The following EVI5 variants were observed in gnomAD, a reference collection of about 807,000 sequenced individuals.
EVI5 encodes the protein ecotropic viral integration site 5 protein homolog.
A neutral mutation model predicts 112.0 loss-of-function variants in EVI5; 73 were observed. The ratio of observed to expected loss-of-function variants is 0.65; its 90% confidence interval spans 0.54 to 0.79. The LOEUF is 0.79. EVI5 is among the 30% of genes least tolerant of loss of function. The pLI is 0.00. For missense variants in EVI5, 900 were observed against 968.8 expected, an observed-to-expected ratio of 0.93 and a Z score of 0.94; for synonymous variants, 305 against 319.9, an observed-to-expected ratio of 0.95 and a Z score of 0.50.
At chr1:92,705,040 GATGAGAAA>G (rs1420756624) in intron 2 of EVI5, among the ~76,000 whole-genome samples, 7 of 152,222 alleles carry the variant, frequency 4.6e-5, no homozygotes, top group African/African-American at 1.7e-4. Context: ...GGGGAAATCT[GATGAGAAA>G]AGTATTTGGG....
intron 1 of EVI5, among the ~76,000 whole-genome samples, chr1:92,754,727 T>C (rs922625268): frequency 1.3e-5 from 2 of 152,144 alleles, no homozygotes; most frequent in African/African-American, 4.8e-5. Flanking sequence ...AGACAGAAAA[T>C]GCTTACATGA....
chr1:92,575,212 TGCTACGTGG>T (rs918135814), intron 18 of EVI5, among the ~76,000 whole-genome samples: 4 of 152,366 alleles, frequency 2.6e-5, no homozygotes, highest in Admixed American at 2.6e-4. Context: ...ATTACCATTT[TGCTACGTGG>T]GCTTTCGTTC....
At chr1:92,621,260 C>A (rs1362967079) in intron 16 of EVI5, among the ~76,000 whole-genome samples, 1 of 152,174 alleles carries the variant, frequency 6.6e-6, no homozygotes, top group African/African-American at 2.4e-5. Flanking sequence ...AATTACAAAA[C>A]TGAGACCAAA....
At chr1:92,748,993 G>A (rs1263467102) in intron 1 of EVI5, among the ~76,000 whole-genome samples, 1 of 151,254 alleles carries the variant, frequency 6.6e-6, no homozygotes, top group Non-Finnish European at 1.5e-5. Flanking sequence ...TTGAACCTGG[G>A]AGGCAGAGGT....
At chr1:92,754,744 T>C (rs1680661899) in intron 1 of EVI5, among the ~76,000 whole-genome samples, 1 of 152,228 alleles carries the variant, frequency 6.6e-6, no homozygotes, top group Non-Finnish European at 1.5e-5. Flanking sequence ...ATGATTTAGC[T>C]TCATAAGTCA....
intron 13 of EVI5, among the ~76,000 whole-genome samples, chr1:92,641,435 T>C (rs1192530565): frequency 6.6e-6 from 1 of 152,128 alleles, no homozygotes; most frequent in Non-Finnish European, 1.5e-5. Flanking sequence ...ACATAGGAAG[T>C]GGAAGTTGAA....
chr1:92,612,379 TAGA>T (rs1652041267), intron 16 of EVI5, among the ~76,000 whole-genome samples: 1 of 152,072 alleles, frequency 6.6e-6, no homozygotes, highest in Admixed American at 6.5e-5. Flanking sequence ...ATCTGGGATG[TAGA>T]AGGTCAAAGA....
At chr1:92,763,372 C>G (rs1682161556) in intron 1 of EVI5, among the ~76,000 whole-genome samples, 1 of 151,898 alleles carries the variant, frequency 6.6e-6, no homozygotes, top group South Asian at 2.1e-4. Context: ...TAAACCCTAA[C>G]AGAAACATCG....
intron 4 of EVI5, 123 bp downstream of exon 4, chr1:92,703,272 A>G: frequency 3.2e-6 from 2 of 634,478 alleles, no homozygotes; most frequent in East Asian, 2.9e-5. Context: ...TGATGCTAAA[A>G]CCAATTTCAC....
At chr1:92,789,746 G>A (rs537007892), upstream of EVI5, among the ~76,000 whole-genome samples, 20 of 152,292 alleles carry the variant, frequency 1.3e-4, no homozygotes, top group Non-Finnish European at 2.1e-4. Flanking sequence ...CTGGAACACC[G>A]TGCTCTAAAC....
intron 1 of EVI5, among the ~76,000 whole-genome samples, chr1:92,748,857 G>C (rs931841850): frequency 6.6e-6 from 1 of 151,828 alleles, no homozygotes; most frequent in Non-Finnish European, 1.5e-5. Flanking sequence ...ACCTGAGGTC[G>C]GGAGTTTGAC....
intron 13 of EVI5, among the ~76,000 whole-genome samples, chr1:92,644,831 T>C (rs982619937): frequency 1.3e-5 from 2 of 152,188 alleles, no homozygotes; most frequent in African/African-American, 4.8e-5. Context: ...TCCAGATACC[T>C]ATTATTAATT....
At chr1:92,623,496 C>A (rs1245208839) in intron 16 of EVI5, among the ~76,000 whole-genome samples, 1 of 152,142 alleles carries the variant, frequency 6.6e-6, no homozygotes, top group Non-Finnish European at 1.5e-5. Flanking sequence ...CTTTACCATG[C>A]AAATGGGTTT....
In EVI5 at chr1:92,738,830, CA is replaced by C. The variant is rs1677870011; in HGVS notation, c.-81-2204del. On this transcript the variant is annotated intron_variant, in intron 1 of 19. Coordinates refer to ENST00000684568, the MANE Select transcript of EVI5 (RefSeq NM_001350197.2). ...TATTTTTCCTTTAATTTTACTTTTC[CA>C]AACTTCCACCCTGCCACCTCTGAAT... Among the ~76,000 whole-genome samples, 6 of 152,154 alleles carry C rather than the reference CA, an allele frequency of 3.9e-5. No individual in the cohort carries two copies. The South Asian group carries it at 1.2e-3, about 32-fold the overall frequency.
intron 19 of EVI5, among the ~76,000 whole-genome samples, chr1:92,539,542 CAAA>C (rs1209654037): frequency 5.9e-5 from 1 of 16,820 alleles, no homozygotes; most frequent in Admixed American, 5.6e-4. Context: ...GACTCCATCT[CAAA>C]AAAAAAAAAA....
chr1:92,656,082 A>G (rs1293919394), intron 13 of EVI5, among the ~76,000 whole-genome samples: 1 of 152,116 alleles, frequency 6.6e-6, no homozygotes, highest in South Asian at 2.1e-4. Context: ...CTATTCAACA[A>G]CCACAGAATA....
chr1:92,671,719 C>T (rs1665905126), intron 10 of EVI5, among the ~76,000 whole-genome samples: 1 of 152,028 alleles, frequency 6.6e-6, no homozygotes, highest in African/African-American at 2.4e-5. Flanking sequence ...CCTCCTCACA[C>T]ATCTCTACAT....
intron 9 of EVI5, among the ~76,000 whole-genome samples, chr1:92,689,849 C>T (rs1194527736): frequency 6.6e-6 from 1 of 152,148 alleles, no homozygotes; most frequent in African/African-American, 2.4e-5. Context: ...TTCCCACTAA[C>T]TCTTTTCTCT....
chr1:92,649,003 A>C (rs1278168854), intron 13 of EVI5, among the ~76,000 whole-genome samples: 1 of 152,192 alleles, frequency 6.6e-6, no homozygotes, highest in Non-Finnish European at 1.5e-5. Context: ...AAAGAAATGT[A>C]TGAGGGTTTC....
Sources: allele counts gnomAD v4.1 joint callset (sites outside exome capture counted in the v4.1 genomes callset), GRCh38; gene constraint gnomAD v4.1.1; transcripts MANE v1.5; gene names NCBI Gene and HGNC (gene_info 2026-07-23, HGNC 2026-07-21).